The following KDELR2 variants were observed in gnomAD, a reference collection of about 807,000 sequenced individuals.
The protein encoded by KDELR2 is ER lumen protein-retaining receptor 2.
Under a neutral mutation model 23.9 loss-of-function variants are expected in KDELR2, and 15 were observed. That is an observed-to-expected ratio of 0.63 (90% CI 0.42 to 0.97). The LOEUF (loss-of-function observed/expected upper bound fraction) is 0.97, where lower values mean the gene tolerates loss of function less well. Ranked by LOEUF, KDELR2 falls within the 50% of genes least tolerant of loss-of-function variation. KDELR2 has a pLI of 0.00. For missense variants in KDELR2, 272 were observed against 254.6 expected (o/e 1.07, Z -0.46); for synonymous variants, 119 against 106.2 (o/e 1.12, Z -0.74).
At chr7:6,483,936 G>T in intron 1 of KDELR2, 31 bp downstream of exon 1, 2 of 1,458,642 alleles carry the variant, frequency 1.4e-6, no homozygotes, top group Non-Finnish European at 1.8e-6. Context: ...CCCCACGCCC[G>T]AGCCTCTCCG....
chr7:6,483,040 T>A (rs1785938479), intron 1 of KDELR2, among the ~76,000 whole-genome samples: 1 of 151,970 alleles, frequency 6.6e-6, no homozygotes, highest in Admixed American at 6.6e-5. Context: ...CTCTCAATTA[T>A]TATACCTTTA....
chr7:6,463,275 C>T, intron 4 of KDELR2, 100 bp from the exon 5 acceptor site: 3 of 885,276 alleles, frequency 3.4e-6, no homozygotes, highest in Non-Finnish European at 5.3e-6. Context: ...ACACAAGATT[C>T]TACATAGTAA....
chr7:6,482,453 G>GT (rs1217689411), intron 1 of KDELR2: 2 of 395,550 alleles, frequency 5.1e-6, no homozygotes, highest in Non-Finnish European at 1.1e-5. Context: ...TCAGAACTAT[G>GT]TATCAACTGA....
intron 4 of KDELR2, among the ~76,000 whole-genome samples, chr7:6,464,269 C>T (rs1336768218): frequency 2.3e-5 from 3 of 133,114 alleles, no homozygotes; most frequent in Admixed American, 8.3e-5. Flanking sequence ...GCCTGTAATC[C>T]CAATACTTTG....
At chr7:6,469,891 A>G in intron 2 of KDELR2, 137 bp from the exon 3 acceptor site, 1 of 698,828 alleles carries the variant, frequency 1.4e-6, no homozygotes, top group Non-Finnish European at 2.3e-6. Context: ...TAAAACTTAA[A>G]TATAGTAAAA....
At chr7:6,469,085 G>C (rs1465235051) in intron 3 of KDELR2, among the ~76,000 whole-genome samples, 1 of 151,748 alleles carries the variant, frequency 6.6e-6, no homozygotes, top group Non-Finnish European at 1.5e-5. Context: ...CCCAGTAGCT[G>C]GGACTACAGG....
At chr7:6,481,011 T>G (rs1224227364) in intron 1 of KDELR2, among the ~76,000 whole-genome samples, 2 of 152,152 alleles carry the variant, frequency 1.3e-5, no homozygotes, top group African/African-American at 2.4e-5. Flanking sequence ...TCGTTAGCAT[T>G]TTAGCTGAAG....
At chr7:6,468,991 G>C (rs976819607) in intron 3 of KDELR2, among the ~76,000 whole-genome samples, 1 of 148,854 alleles carries the variant, frequency 6.7e-6, no homozygotes, top group Admixed American at 6.8e-5. Flanking sequence ...TTACTCTCTC[G>C]CCCAGGCTGG....
chr7:6,466,014 G>A, intron 4 of KDELR2, 57 bp downstream of exon 4: 2 of 1,579,162 alleles, frequency 1.3e-6, no homozygotes, highest in South Asian at 2.3e-5. Context: ...TGCTGGGCAA[G>A]GGCACTCCTA....
At chr7:6,466,813 A>G (rs1054084907) in intron 3 of KDELR2, among the ~76,000 whole-genome samples, 3 of 151,986 alleles carry the variant, frequency 2.0e-5, no homozygotes, top group African/African-American at 7.2e-5. Context: ...TCATGCTCCT[A>G]TGAGAATTGA....
At chr7:6,479,384 T>C (rs1267160469) in intron 1 of KDELR2, among the ~76,000 whole-genome samples, 1 of 151,748 alleles carries the variant, frequency 6.6e-6, no homozygotes, top group Admixed American at 6.6e-5. Flanking sequence ...TGAACTCCTG[T>C]GCTCAAGTGA....
chr7:6,478,358 G>A (rs1371393772), intron 1 of KDELR2, among the ~76,000 whole-genome samples: 1 of 151,904 alleles, frequency 6.6e-6, no homozygotes, highest in African/African-American at 2.4e-5. Flanking sequence ...ATGTTGCCCA[G>A]GCTGGTCTCA....
chr7:6,469,789 C>A (rs1350161783), intron 2 of KDELR2, 35 bp from the exon 3 acceptor site: 1 of 1,564,048 alleles, frequency 6.4e-7, no homozygotes, highest in East Asian at 2.3e-5. Context: ...GGTGTCAATA[C>A]CTTGCCACTG....
At position 6,466,162 on chromosome 7, in the gene KDELR2, G is replaced by T; in HGVS notation, c.513C>A (p.Tyr171Ter). The part of the protein sequence containing the change: ...LYLVNWIWRF[Y>*]FEGFFDLIAV... ...CAATGAGGTCAAAGAAGCCCTCAAA[G>T]TAGAAGCGCCAGATCCAGTTGACAA... Residue 171 changes from tyrosine to a stop codon, truncating the protein, a stop_gained, in exon 4 of 5, where the codon TAC becomes TAA. Transcript: ENST00000258739. LOFTEE classifies it high-confidence loss of function. The T allele has an allele frequency of 6.2e-7, 1 of 1,614,234 alleles. No individual in the cohort carries two copies.
intron 4 of KDELR2, among the ~76,000 whole-genome samples, chr7:6,464,427 G>A (rs531327714): frequency 2.1e-4 from 32 of 151,996 alleles, no homozygotes; most frequent in Non-Finnish European, 3.2e-4. Flanking sequence ...GTCAAGGCAC[G>A]AGAATCACTT....
At chr7:6,478,226 G>A (rs538589042) in intron 1 of KDELR2, among the ~76,000 whole-genome samples, 9 of 151,860 alleles carry the variant, frequency 5.9e-5, no homozygotes, top group Admixed American at 3.3e-4. Flanking sequence ...CATGATCACA[G>A]CTCGCTGCAG....
chr7:6,469,188 G>A (rs927775733), intron 3 of KDELR2, among the ~76,000 whole-genome samples: 3 of 151,574 alleles, frequency 2.0e-5, no homozygotes, highest in Non-Finnish European at 2.9e-5. Context: ...TCCTGACCTC[G>A]TGATGTGCCC....
At chr7:6,483,046 C>T (rs532529752) in intron 1 of KDELR2, among the ~76,000 whole-genome samples, 31 of 152,040 alleles carry the variant, frequency 2.0e-4, no homozygotes, top group Admixed American at 1.8e-3. Flanking sequence ...ATTATTATAC[C>T]TTTAAAATTA....
chr7:6,471,220 C>T (rs1220931709), intron 2 of KDELR2, among the ~76,000 whole-genome samples: 4 of 109,736 alleles, frequency 3.6e-5, no homozygotes, highest in Non-Finnish European at 6.8e-5. Context: ...CTCGCTCTGT[C>T]GCCCAGGCTG....
Sources: gnomAD v4.1 joint callset for allele counts (sites outside exome capture counted in the v4.1 genomes callset) on GRCh38, gnomAD v4.1.1 for gene constraint, MANE v1.5 for transcripts, NCBI Gene and HGNC (gene_info 2026-07-23, HGNC 2026-07-21) for gene names.